USP33: variants seen among roughly 807,000 people sequenced by gnomAD.
USP33 encodes ubiquitin carboxyl-terminal hydrolase 33.
Under a neutral mutation model 124.2 loss-of-function variants are expected in USP33, and 46 were observed. The observed-to-expected ratio is 0.37, with a 90% confidence interval of 0.29 to 0.47. The LOEUF (loss-of-function observed/expected upper bound fraction) is 0.47. USP33 is among the 20% of genes least tolerant of loss of function. USP33 has a pLI of 0.99. For missense variants in USP33, 851 were observed against 1,070.6 expected (o/e 0.79, Z 2.86); for synonymous variants, 350 against 352.3 (o/e 0.99, Z 0.07).
At chr1:77,699,109 C>T (rs920777423) in intron 22 of USP33, among the ~76,000 whole-genome samples, 1 of 152,086 alleles carries the variant, frequency 6.6e-6, no homozygotes, top group Admixed American at 6.6e-5. Context: ...CAAAAGAAGA[C>T]ATTTATGTGG....
chr1:77,697,395 C>T lies in USP33; in HGVS notation c.2658G>A (p.Leu886=), dbSNP rs34351666. Residue 886 remains leucine, a synonymous_variant, in exon 24 of 24, where the codon CTG becomes CTA. Transcript: ENST00000370794. ...GATCAACATGAACAACCGGAGGTCGCAGGATAACTTCAGGCCCTCCACCAT... is the reference window on the plus strand; with the variant it reads ...GATCAACATGAACAACCGGAGGTCGTAGGATAACTTCAGGCCCTCCACCAT... ...SIYGGGPEVI[L]RPPVVHVDPD... The T allele has an allele frequency of 0.031, 50,360 of 1,612,866 alleles. 1,111 individuals are homozygous for T. The highest frequency in any genetic ancestry group is 0.11 in the African/African-American group (7,909 of 74,782).
intron 1 of USP33, among the ~76,000 whole-genome samples, chr1:77,750,033 G>A (rs916253346): frequency 3.9e-5 from 6 of 152,164 alleles, no homozygotes; most frequent in African/African-American, 1.4e-4. Context: ...AATAAGAATT[G>A]GCTGGGCAGG....
intron 11 of USP33, 136 bp downstream of exon 11, chr1:77,725,486 C>T: frequency 7.9e-7 from 1 of 1,271,262 alleles, no homozygotes; most frequent in Non-Finnish European, 1.1e-6. Context: ...TTAATCATGT[C>T]TATGTAAAAT....
chr1:77,713,487 GCA>G, intron 19 of USP33: 2 of 458,882 alleles, frequency 4.4e-6, no homozygotes, highest in Non-Finnish European at 7.5e-6. Flanking sequence ...TGGGCTCAAG[GCA>G]TCCTCCCACC....
At position 77,728,537 on chromosome 1, in the gene USP33, CTA is replaced by C; in HGVS notation, c.891_892del (p.Asp297GlufsTer5). The stretch of plus-strand genomic sequence containing the variant: ...TCTAGAGCCATTTTCATTTTCTGCT[CTA>C]TCACTGTTGCTACAAGATTCACAAG... On this transcript the variant is annotated frameshift_variant, in exon 10 of 24. Transcript: ENST00000370794. LOFTEE classifies it high-confidence loss of function. The C allele has an allele frequency of 6.2e-7, 1 of 1,614,106 alleles. No individual in the cohort carries two copies. Among genetic ancestry groups the C allele is most frequent in the Non-Finnish European group, 8.5e-7 (1 of 1,180,012 alleles).
chr1:77,697,260 G>A lies in USP33; in HGVS notation c.*57C>T. The A allele has an allele frequency of 1.4e-6, 2 of 1,447,704 alleles. No individual in the cohort carries two copies. The highest frequency in any genetic ancestry group is 1.9e-6 in the Non-Finnish European group (2 of 1,079,268). 89.7% of individuals were successfully genotyped at this position (1,447,704 alleles called of 1,614,324 possible). On this transcript the variant is annotated 3_prime_UTR_variant, in exon 24 of 24. Coordinates refer to ENST00000370794, the MANE Select transcript of USP33 (RefSeq NM_201624.3). ...CGCTTTTAGGAATGTTTTCGCATGT[G>A]TACATGTCAGGGCACATGAAAATGA...
intron 7 of USP33, among the ~76,000 whole-genome samples, chr1:77,732,275 T>C (rs994805305): frequency 1.3e-5 from 2 of 152,098 alleles, no homozygotes; most frequent in Admixed American, 6.5e-5. Flanking sequence ...TTGAATCTCC[T>C]CTCCCTTTCT....
At chr1:77,757,442 T>C (rs1680901568) in intron 1 of USP33, among the ~76,000 whole-genome samples, 1 of 152,252 alleles carries the variant, frequency 6.6e-6, no homozygotes, top group African/African-American at 2.4e-5. Context: ...AGCACATAAT[T>C]CATGTGCCTT....
chr1:77,748,667 CAA>C (rs796272242), intron 1 of USP33, among the ~76,000 whole-genome samples: 18 of 83,952 alleles, frequency 2.1e-4, no homozygotes, highest in South Asian at 3.8e-4. Flanking sequence ...GACTCCGTCT[CAA>C]AAAAAAAAAA....
chr1:77,745,175 T>A (rs1479029040), intron 1 of USP33, among the ~76,000 whole-genome samples: 1 of 152,256 alleles, frequency 6.6e-6, no homozygotes, highest in African/African-American at 2.4e-5. Context: ...TACCATTATG[T>A]AATTGCCTTC....
At chr1:77,705,229 C>G (rs1674495196) in intron 21 of USP33, among the ~76,000 whole-genome samples, 1 of 150,750 alleles carries the variant, frequency 6.6e-6, no homozygotes, top group South Asian at 2.1e-4. Flanking sequence ...GAATCTCACT[C>G]TTTCATCCAG....
chr1:77,724,814 T>C (rs902448471), intron 11 of USP33, among the ~76,000 whole-genome samples: 4 of 152,084 alleles, frequency 2.6e-5, no homozygotes, highest in African/African-American at 7.2e-5. Flanking sequence ...TTCTAACACT[T>C]TGGGAGGCAG....
chr1:77,697,950 A>T lies in USP33; in HGVS notation c.2510-19T>A. 6.3e-7 allele frequency: 1 copy of T among 1,582,418 alleles called. No homozygotes were observed. The highest frequency in any genetic ancestry group is 1.9e-5 in the Admixed American group (1 of 52,844). ...GGAGGATCTAAAGGAAAAAATATCAAAATGTATTTTTCAAAGAAATGTAAC... is the reference window on the plus strand; with the variant it reads ...GGAGGATCTAAAGGAAAAAATATCATAATGTATTTTTCAAAGAAATGTAAC... On this transcript the variant is annotated intron_variant, in intron 22 of 23. Transcript: ENST00000370794.
Position 77,741,672 on chromosome 1 carries a change from G to C in USP33, c.26C>G (p.Pro9Arg), listed in dbSNP as rs1247716792. ...TATTTCACCAACTGAATCCAAATGTGGACAATGATTTCGAAAAGCTGACAT... is the reference window on the plus strand; with the variant it reads ...TATTTCACCAACTGAATCCAAATGTCGACAATGATTTCGAAAAGCTGACAT... Reference protein sequence around the residue: MSAFRNHCPHLDSVGEITK... With the variant: MSAFRNHCRHLDSVGEITK... The change falls in exon 2 of 24, where the codon CCA (proline) becomes CGA (arginine). Residue 9 changes from proline to arginine, a missense_variant. Coordinates refer to ENST00000370794, the MANE Select transcript of USP33 (RefSeq NM_201624.3). 6 of 1,603,756 alleles carry C rather than the reference G, an allele frequency of 3.7e-6. No homozygotes were observed. Among genetic ancestry groups the C allele is most frequent in the Non-Finnish European group, 5.1e-6 (6 of 1,176,480 alleles).
chr1:77,726,160 G>A (rs1362398357), intron 10 of USP33, among the ~76,000 whole-genome samples: 1 of 152,110 alleles, frequency 6.6e-6, no homozygotes, highest in Non-Finnish European at 1.5e-5. Flanking sequence ...ATTTTGGCCA[G>A]GCTGGTCTCA....
At chr1:77,709,065 C>T (rs556558260) in intron 21 of USP33, among the ~76,000 whole-genome samples, 31 of 152,104 alleles carry the variant, frequency 2.0e-4, no homozygotes, top group Non-Finnish European at 4.0e-4. Context: ...TAGTCTTTTC[C>T]GTTTGTAATT....
chr1:77,722,373 A>C, intron 12 of USP33, 177 bp from the exon 13 acceptor site: 1 of 596,478 alleles, frequency 1.7e-6, no homozygotes. Context: ...AAAAAAACAA[A>C]AACAAAAAAC....
rs1264469111 is a variant in USP33, at chr1:77,711,736, C to A, written c.2406+11G>T. On this transcript the variant is annotated intron_variant, in intron 21 of 23. Coordinates refer to ENST00000370794, the MANE Select transcript of USP33 (RefSeq NM_201624.3). ...TATCCTAGATCAATTTGAAAAGCAT[C>A]ACTTTTTTACCCGAATAAAAATTTC... 1.3e-6 allele frequency: 2 copies of A among 1,599,228 alleles called. No individual in the cohort carries two copies. The highest frequency in any genetic ancestry group is 1.8e-5 in the Admixed American group (1 of 54,550).
At chr1:77,707,461 C>G (rs1674758064) in intron 21 of USP33, among the ~76,000 whole-genome samples, 1 of 152,190 alleles carries the variant, frequency 6.6e-6, no homozygotes. Context: ...TGAGGATGAT[C>G]TCATCTCAAA....
Sources: gnomAD v4.1 joint callset for allele counts (sites outside exome capture counted in the v4.1 genomes callset) on GRCh38, gnomAD v4.1.1 for gene constraint, MANE v1.5 for transcripts, NCBI Gene and HGNC (gene_info 2026-07-23, HGNC 2026-07-21) for gene names.